Variants in ASTN2 observed in about 807,000 individuals in gnomAD.
The protein encoded by ASTN2 is astrotactin-2.
Under a neutral mutation model 139.8 loss-of-function variants are expected in ASTN2, and 54 were observed. That is an observed-to-expected ratio of 0.39 (90% confidence interval 0.31 to 0.48). The LOEUF is 0.48. ASTN2 is among the 20% of genes least tolerant of loss of function. The pLI, the probability that ASTN2 is intolerant of heterozygous loss-of-function variation, is 0.95. For synonymous variants in ASTN2, 756 were observed against 719.5 expected, an observed-to-expected ratio of 1.05 and a Z score of -0.81; for missense variants, 1,565 against 1,725.1, an observed-to-expected ratio of 0.91 and a Z score of 1.64.
At chr9:116,563,261 G>T (rs1367154618) in intron 19 of ASTN2, among the ~76,000 whole-genome samples, 3 of 151,932 alleles carry the variant, frequency 2.0e-5, no homozygotes, top group African/African-American at 7.3e-5. Context: ...TATAGTCCCA[G>T]CTACTCAGGA....
chr9:116,697,739 A>G (rs748613689), intron 16 of ASTN2: 2 of 1,613,936 alleles, frequency 1.2e-6, no homozygotes, highest in South Asian at 2.2e-5. Context: ...TCAAAGGAAG[A>G]GCAATGGCTG....
chr9:116,914,091 A>G (rs1177062252), intron 10 of ASTN2, among the ~76,000 whole-genome samples: 1 of 150,786 alleles, frequency 6.6e-6, no homozygotes, highest in Admixed American at 6.7e-5. Context: ...AATAGTAAGT[A>G]GAGAAGCTGA....
chr9:117,253,058 T>C (rs140614314), intron 2 of ASTN2, among the ~76,000 whole-genome samples: 269 of 152,290 alleles, frequency 1.8e-3, no homozygotes, highest in African/African-American at 6.1e-3. Context: ...AAGATTTAAA[T>C]AGATGATGTA....
At position 116,599,654 on chromosome 9, in the gene ASTN2, C is replaced by T. The variant is rs145702943; in HGVS notation, c.3355+18670G>A. Among the ~76,000 whole-genome samples the T allele has an allele frequency of 5.3e-3, 801 of 152,312 alleles. 1 individual carries two copies. Among genetic ancestry groups the T allele is most frequent in the Non-Finnish European group, 8.7e-3 (595 of 68,018 alleles). ...TATAGGGGCAAGATAAGAGGCAGGA[C>T]AGCCTGGTGAGGAAGTCATAGTGGA... On this transcript the variant is annotated intron_variant, in intron 19 of 22. Coordinates refer to ENST00000313400, the MANE Select transcript of ASTN2 (RefSeq NM_001365068.1).
chr9:116,579,652 G>A (rs531685507), intron 19 of ASTN2, among the ~76,000 whole-genome samples: 3 of 152,240 alleles, frequency 2.0e-5, no homozygotes, highest in South Asian at 2.1e-4. Context: ...AGGCTGAGGT[G>A]GGAGAATCAC....
chr9:116,607,109 T>G (rs928567266), intron 19 of ASTN2, among the ~76,000 whole-genome samples: 1 of 152,178 alleles, frequency 6.6e-6, no homozygotes, highest in Admixed American at 6.5e-5. Flanking sequence ...CATGACACAT[T>G]TTTAGAAGGC....
intron 1 of ASTN2, among the ~76,000 whole-genome samples, chr9:117,343,500 G>A (rs772714769): frequency 1.3e-5 from 2 of 152,158 alleles, no homozygotes; most frequent in Non-Finnish European, 2.9e-5. Flanking sequence ...TAACGTTTGT[G>A]TGGCACTCCC....
intron 1 of ASTN2, among the ~76,000 whole-genome samples, chr9:117,410,916 C>T (rs1280354954): frequency 6.6e-6 from 1 of 152,202 alleles, no homozygotes; most frequent in African/African-American, 2.4e-5. Context: ...GTCAGCTCAC[C>T]AAGGTAGCTG....
chr9:116,654,303 T>TATA (rs1858089264), intron 16 of ASTN2, among the ~76,000 whole-genome samples: 1 of 152,206 alleles, frequency 6.6e-6, no homozygotes, highest in South Asian at 2.1e-4. Flanking sequence ...ACAAAGACTC[T>TATA]ATAATCACAA....
At chr9:116,552,916 A>G (rs1214336762) in intron 19 of ASTN2, among the ~76,000 whole-genome samples, 2 of 152,168 alleles carry the variant, frequency 1.3e-5, no homozygotes, top group Non-Finnish European at 2.9e-5. Context: ...CCATTAAATT[A>G]TTAGTGTGAT....
intron 10 of ASTN2, among the ~76,000 whole-genome samples, chr9:116,865,456 A>G (rs911832164): frequency 3.0e-4 from 40 of 131,720 alleles, no homozygotes; most frequent in South Asian, 2.6e-4. Context: ...AAAAAAAAAA[A>G]GGCAAGCGAA....
chr9:117,147,190 A>T (rs1285886601), intron 3 of ASTN2, among the ~76,000 whole-genome samples: 1 of 152,156 alleles, frequency 6.6e-6, no homozygotes, highest in Non-Finnish European at 1.5e-5. Flanking sequence ...GTCTACACTG[A>T]TACTCAAAAA....
At chr9:116,941,764 A>G (rs901298742) in intron 10 of ASTN2, among the ~76,000 whole-genome samples, 2 of 152,092 alleles carry the variant, frequency 1.3e-5, no homozygotes, top group Non-Finnish European at 2.9e-5. Context: ...CAAACTACAG[A>G]CTTTCTTTGG....
At chr9:116,874,424 C>T (rs951757642) in intron 10 of ASTN2, among the ~76,000 whole-genome samples, 7 of 152,066 alleles carry the variant, frequency 4.6e-5, no homozygotes, top group African/African-American at 1.7e-4. Context: ...CAGCTGTTCG[C>T]TGAATAAGGG....
chr9:117,164,289 AG>A (rs1830619195), intron 3 of ASTN2, among the ~76,000 whole-genome samples: 2 of 152,030 alleles, frequency 1.3e-5, no homozygotes, highest in Admixed American at 1.3e-4. Flanking sequence ...TCTGCCCCTA[AG>A]TTCAGCACTC....
At chr9:116,928,394 T>G (rs370308673) in intron 10 of ASTN2, among the ~76,000 whole-genome samples, 1 of 142,136 alleles carries the variant, frequency 7.0e-6, no homozygotes. Context: ...TCTAAAAAAA[T>G]TCCACATATA....
At chr9:116,664,424 AAT>A (rs746322618) in intron 16 of ASTN2, among the ~76,000 whole-genome samples, 6 of 147,630 alleles carry the variant, frequency 4.1e-5, no homozygotes, top group African/African-American at 9.8e-5. Flanking sequence ...AAATATATAT[AAT>A]ATATATATAT....
intron 1 of ASTN2, among the ~76,000 whole-genome samples, chr9:117,369,780 G>T (rs1460397326): frequency 6.6e-6 from 1 of 152,094 alleles, no homozygotes; most frequent in Non-Finnish European, 1.5e-5. Context: ...ACTGAGGCAG[G>T]AAGATCATTT....
chr9:117,372,228 A>G (rs114260263), intron 1 of ASTN2, among the ~76,000 whole-genome samples: 1,990 of 152,272 alleles, frequency 0.013, 42 homozygotes, highest in African/African-American at 0.044. Flanking sequence ...TTAGCCCTGC[A>G]CCTGCCTCTT....
Sources: allele counts gnomAD v4.1 joint callset (sites outside exome capture counted in the v4.1 genomes callset), GRCh38; gene constraint gnomAD v4.1.1; transcripts MANE v1.5; gene names NCBI Gene and HGNC (gene_info 2026-07-23, HGNC 2026-07-21).